PTPRT: variants seen among roughly 807,000 people sequenced by gnomAD.
PTPRT encodes protein tyrosine phosphatase receptor type T, also known as receptor-type tyrosine-protein phosphatase T.
Under a neutral mutation model 176.8 loss-of-function variants are expected in PTPRT, and 56 were observed. The observed-to-expected ratio is 0.32, with a 90% CI of 0.26 to 0.40. The LOEUF (loss-of-function observed/expected upper bound fraction) is 0.40, where lower values mean the gene tolerates loss of function less well. PTPRT is among the 10% of genes least tolerant of loss of function. PTPRT has a pLI of 1.00. For missense variants in PTPRT, 1,540 were observed against 1,908.2 expected, an observed-to-expected ratio of 0.81 and a Z score of 3.60; for synonymous variants, 783 against 739.0, an observed-to-expected ratio of 1.06 and a Z score of -0.96.
intron 2 of PTPRT, among the ~76,000 whole-genome samples, chr20:42,879,508 A>G (rs1304295027): frequency 6.6e-6 from 1 of 152,212 alleles, no homozygotes; most frequent in Non-Finnish European, 1.5e-5. Context: ...TTCTATAAAT[A>G]CTTATTTTCA....
In PTPRT at chr20:42,619,059, G is replaced by T. The variant is rs577970014; in HGVS notation, c.1153+58807C>A. The stretch of plus-strand genomic sequence containing the variant: ...CTCGATGGTCTTTACATTTTGGCAT[G>T]ATTTTGCAGCGGCTGGTACCGGTTG... On this transcript the variant is annotated intron_variant, in intron 7 of 30. Coordinates refer to ENST00000373187, the MANE Select transcript of PTPRT (RefSeq NM_007050.6). 2.8e-3 allele frequency among the ~76,000 whole-genome samples: 429 copies of T among 150,766 alleles called. 2 individuals carry two copies. The highest frequency in any genetic ancestry group is 0.01 in the African/African-American group (412 of 40,686).
chr20:42,754,980 A>T (rs2076810178), intron 6 of PTPRT, among the ~76,000 whole-genome samples: 2 of 152,198 alleles, frequency 1.3e-5, no homozygotes, highest in Non-Finnish European at 2.9e-5. Flanking sequence ...CACAGAGCTT[A>T]GATCCTAAAA....
chr20:42,578,000 T>C (rs886893485), intron 7 of PTPRT, among the ~76,000 whole-genome samples: 5 of 150,586 alleles, frequency 3.3e-5, no homozygotes, highest in Admixed American at 2.7e-4. Flanking sequence ...TGAATTCCCA[T>C]TAGGAGGTGG....
intron 1 of PTPRT, among the ~76,000 whole-genome samples, chr20:43,120,579 G>A (rs1192968254): frequency 6.6e-6 from 1 of 152,168 alleles, no homozygotes; most frequent in Non-Finnish European, 1.5e-5. Flanking sequence ...CCCAGATTCA[G>A]ATTTTTAAAA....
intron 15 of PTPRT, among the ~76,000 whole-genome samples, chr20:42,220,992 T>C (rs555589579): frequency 2.0e-5 from 3 of 152,154 alleles, no homozygotes; most frequent in Non-Finnish European, 4.4e-5. Context: ...TGGTAGAGTT[T>C]TTTTGTTTTC....
At chr20:42,869,283 A>G (rs1347033335) in intron 2 of PTPRT, among the ~76,000 whole-genome samples, 1 of 152,108 alleles carries the variant, frequency 6.6e-6, no homozygotes, top group East Asian at 1.9e-4. Flanking sequence ...ACGCAACACA[A>G]GCCTGGGAGA....
At position 42,084,473 on chromosome 20, in the gene PTPRT, T is replaced by C. The variant is rs1490868185; in HGVS notation, c.4136+209A>G. Reference sequence around the variant, plus strand: ...CACTAGGTTTTGCATCAATAATATGTCATATATTAGTTCAGGACAACAAAC... The same window carrying C: ...CACTAGGTTTTGCATCAATAATATGCCATATATTAGTTCAGGACAACAAAC... On this transcript the variant is annotated intron_variant, in intron 29 of 30. Transcript: ENST00000373187. Among the ~76,000 whole-genome samples the C allele has an allele frequency of 3.3e-5, 5 of 152,240 alleles. No individual in the cohort carries two copies. In the East Asian group the frequency reaches 9.6e-4, roughly 29 times the overall value.
chr20:42,751,552 G>C (rs2076770211), intron 6 of PTPRT, among the ~76,000 whole-genome samples: 1 of 152,172 alleles, frequency 6.6e-6, no homozygotes, highest in South Asian at 2.1e-4. Flanking sequence ...TCATATTTGA[G>C]TCAGCGGACT....
intron 9 of PTPRT, among the ~76,000 whole-genome samples, chr20:42,390,257 G>T (rs932135383): frequency 6.6e-6 from 1 of 152,148 alleles, no homozygotes; most frequent in African/African-American, 2.4e-5. Context: ...AAGAGAGAAT[G>T]CAATCAGTCA....
intron 15 of PTPRT, among the ~76,000 whole-genome samples, chr20:42,215,707 A>G (rs1240761194): frequency 6.6e-6 from 1 of 152,210 alleles, no homozygotes; most frequent in Non-Finnish European, 1.5e-5. Flanking sequence ...TAAAAGTTGT[A>G]GAATCTTGGA....
In PTPRT at chr20:42,074,230, G is replaced by C. The variant is rs1002978624; in HGVS notation, c.*6649C>G. 4.4e-6 allele frequency: 1 copy of C among 228,048 alleles called. No individual in the cohort carries two copies. The highest frequency in any genetic ancestry group is 5.7e-5 in the Admixed American group (1 of 17,640). The allele number at this position is 228,048 out of a possible 1,614,324, so 14.1% of individuals were successfully genotyped here. A position where few individuals can be genotyped will look rare whatever the true frequency, so the allele number is the denominator to read the frequency against. ...TCTTCCATGGGAGATACAGGGACAG[G>C]GTGGACACTGAGAGTTTGTTGGACC... On this transcript the variant is annotated 3_prime_UTR_variant, in exon 31 of 31. Transcript: ENST00000373187.
intron 1 of PTPRT, among the ~76,000 whole-genome samples, chr20:43,138,001 G>A (rs1215144914): frequency 1.3e-5 from 2 of 152,168 alleles, no homozygotes; most frequent in African/African-American, 4.8e-5. Flanking sequence ...CTCGCCAGCT[G>A]GGTAACCTGG....
chr20:42,812,211 T>C (rs1253933603), intron 2 of PTPRT, among the ~76,000 whole-genome samples: 2 of 148,844 alleles, frequency 1.3e-5, no homozygotes, highest in Admixed American at 1.3e-4. Flanking sequence ...ATACATTGTC[T>C]CTTTATTATT....
intron 7 of PTPRT, among the ~76,000 whole-genome samples, chr20:42,595,397 G>A (rs551098672): frequency 6.6e-6 from 1 of 152,014 alleles, no homozygotes; most frequent in Non-Finnish European, 1.5e-5. Context: ...CAGTAGTACT[G>A]TCCCGGTTGT....
chr20:42,747,958 GA>G (rs2145367821), intron 6 of PTPRT, among the ~76,000 whole-genome samples: 1 of 152,310 alleles, frequency 6.6e-6, no homozygotes, highest in East Asian at 1.9e-4. Context: ...GAGCAGGGAG[GA>G]AGCTGGAATA....
chr20:42,659,781 T>C (rs2075190783), intron 7 of PTPRT, among the ~76,000 whole-genome samples: 2 of 152,200 alleles, frequency 1.3e-5, no homozygotes, highest in African/African-American at 2.4e-5. Flanking sequence ...CAAGTTTAAA[T>C]GGATTCGCTG....
intron 7 of PTPRT, among the ~76,000 whole-genome samples, chr20:42,662,682 C>T (rs1187569169): frequency 6.6e-6 from 1 of 152,126 alleles, no homozygotes; most frequent in African/African-American, 2.4e-5. Context: ...GTGAATCTAG[C>T]ATTAAAACTC....
intron 1 of PTPRT, among the ~76,000 whole-genome samples, chr20:42,892,690 A>T (rs1212774748): frequency 6.6e-6 from 1 of 151,764 alleles, no homozygotes; most frequent in Admixed American, 6.6e-5. Flanking sequence ...CTAGTAGCTC[A>T]CTCCACATAC....
chr20:42,846,895 G>A (rs1600466139), intron 2 of PTPRT, among the ~76,000 whole-genome samples: 1 of 152,280 alleles, frequency 6.6e-6, no homozygotes, highest in Non-Finnish European at 1.5e-5. Flanking sequence ...TAGTGCTGTG[G>A]TAGAAAATGT....
Sources: allele counts gnomAD v4.1 joint callset (sites outside exome capture counted in the v4.1 genomes callset), GRCh38; gene constraint gnomAD v4.1.1; transcripts MANE v1.5; gene names NCBI Gene and HGNC (gene_info 2026-07-23, HGNC 2026-07-21).